The following INTS4 variants were observed in gnomAD, a reference collection of about 807,000 sequenced individuals.
INTS4 encodes integrator complex subunit 4.
A neutral mutation model predicts 119.5 loss-of-function variants in INTS4; 70 were observed. The ratio of observed to expected loss-of-function variants is 0.59; its 90% CI spans 0.48 to 0.71. The LOEUF (loss-of-function observed/expected upper bound fraction) is 0.71, where lower values mean the gene tolerates loss of function less well. INTS4 is among the 30% of genes least tolerant of loss of function. The pLI is 0.00. For synonymous variants in INTS4, 316 were observed against 419.6 expected (o/e 0.75, Z 3.02); for missense variants, 867 against 1,173.2 (o/e 0.74, Z 3.81).
At chr11:77,959,014 T>C (rs1460705952) in intron 6 of INTS4, among the ~76,000 whole-genome samples, 180 bp from the exon 7 acceptor site, 1 of 152,242 alleles carries the variant, frequency 6.6e-6, no homozygotes, top group African/African-American at 2.4e-5. Context: ...CTGCTCTGGC[T>C]GTATTCTGAC....
intron 1 of INTS4, among the ~76,000 whole-genome samples, chr11:77,994,380 T>A (rs375378327): frequency 1.3e-5 from 2 of 152,196 alleles, no homozygotes; most frequent in African/African-American, 4.8e-5. Context: ...TTTCTCCTAA[T>A]AATTTTTTTA....
chr11:77,892,844 A>C (rs1218594848), intron 19 of INTS4, among the ~76,000 whole-genome samples: 1 of 152,166 alleles, frequency 6.6e-6, no homozygotes, highest in African/African-American at 2.4e-5. Flanking sequence ...CAGCCTCCCA[A>C]AGTGCTGGGA....
chr11:77,933,600 C>T (rs113598761), intron 10 of INTS4, among the ~76,000 whole-genome samples: 29,056 of 152,042 alleles, frequency 0.19, 2,830 homozygotes, highest in Middle Eastern at 0.23. Context: ...GCCGCCTGCC[C>T]TGGCCTCCCA....
intron 11 of INTS4, 40 bp downstream of exon 11, chr11:77,928,302 T>C: frequency 1.9e-6 from 3 of 1,586,596 alleles, no homozygotes; most frequent in Non-Finnish European, 2.6e-6. Context: ...CAGGGGGGGG[T>C]GAGGGATGAA....
intron 4 of INTS4, among the ~76,000 whole-genome samples, chr11:77,963,678 G>A (rs1591116364): frequency 2.6e-5 from 4 of 151,990 alleles, no homozygotes; most frequent in Admixed American, 2.6e-4. Flanking sequence ...ATTCAGCATC[G>A]ATATGGATTT....
chr11:77,988,160 TG>T (rs1856529510), intron 2 of INTS4, among the ~76,000 whole-genome samples: 1 of 152,266 alleles, frequency 6.6e-6, no homozygotes, highest in African/African-American at 2.4e-5. Context: ...CCTAGGAACC[TG>T]CCAGGCACTG....
intron 10 of INTS4, among the ~76,000 whole-genome samples, chr11:77,937,804 A>T (rs1453975549): frequency 6.7e-6 from 1 of 149,882 alleles, no homozygotes; most frequent in Non-Finnish European, 1.5e-5. Context: ...TATTCCCACA[A>T]AAATATCTTT....
intron 16 of INTS4, 79 bp from the exon 17 acceptor site, chr11:77,903,699 T>C (rs1390048243): frequency 8.8e-7 from 1 of 1,138,406 alleles, no homozygotes; most frequent in Non-Finnish European, 1.3e-6. Flanking sequence ...CATTTTTGTT[T>C]TCCTTTGAAA....
At chr11:77,992,312 A>C (rs1181966346) in intron 1 of INTS4, among the ~76,000 whole-genome samples, 1 of 151,984 alleles carries the variant, frequency 6.6e-6, no homozygotes, top group African/African-American at 2.4e-5. Flanking sequence ...GATTGCGTGA[A>C]CCCAGGAGGC....
At chr11:77,879,798 G>A (rs746265874) in intron 22 of INTS4, among the ~76,000 whole-genome samples, 2 of 152,104 alleles carry the variant, frequency 1.3e-5, no homozygotes, top group Admixed American at 6.6e-5. Context: ...TACAACACAC[G>A]CTCTAACCAA....
At chr11:77,994,197 G>A (rs1665775218) in intron 1 of INTS4, among the ~76,000 whole-genome samples, 1 of 151,922 alleles carries the variant, frequency 6.6e-6, no homozygotes, top group Non-Finnish European at 1.5e-5. Context: ...ACGGGGGTGC[G>A]GGGAGGCTAG....
intron 21 of INTS4, chr11:77,884,814 G>A: frequency 2.4e-6 from 1 of 409,408 alleles, no homozygotes; most frequent in Non-Finnish European, 5.0e-6. Context: ...GAGTGCAGTG[G>A]CACGATCATA....
rs201555674 is a variant in INTS4, at chr11:77,893,940, G to C, written c.2288+350C>G. Among the ~76,000 whole-genome samples the C allele has an allele frequency of 8.2e-5, 10 of 122,670 alleles. No individual in the cohort carries two copies. The East Asian group carries it at 2.2e-3, about 27-fold the overall frequency. 80.5% of individuals were successfully genotyped at this position (122,670 alleles called of 152,430 possible). On this transcript the variant is annotated intron_variant, in intron 19 of 22. Transcript: ENST00000534064. Reference sequence around the variant, plus strand: ...ATAAATAAATAAGAATGGTGTGAACGAACAGTGTTGAAAAAAACAGATGAC... The same window carrying C: ...ATAAATAAATAAGAATGGTGTGAACCAACAGTGTTGAAAAAAACAGATGAC...
At chr11:77,925,533 G>A (rs890464012) in intron 11 of INTS4, among the ~76,000 whole-genome samples, 9 of 152,192 alleles carry the variant, frequency 5.9e-5, no homozygotes, top group Admixed American at 1.3e-4. Flanking sequence ...ACCTGTATGT[G>A]TTAAATGGAG....
Position 77,961,154 on chromosome 11 carries a change from A to G in INTS4, c.472-16T>C, listed in dbSNP as rs1419134768. ...CTGTCAGATGCTATTAAAAAAAAAAAAAAAAAGAAAAAAAGAAAAAGAAAA... is the reference window on the plus strand; with the variant it reads ...CTGTCAGATGCTATTAAAAAAAAAAGAAAAAAGAAAAAAAGAAAAAGAAAA... On this transcript the variant is annotated splice_polypyrimidine_tract_variant and intron_variant, in intron 4 of 22. Transcript: ENST00000534064. 7.2e-6 allele frequency: 11 copies of G among 1,537,560 alleles called. No individual in the cohort carries two copies. Among genetic ancestry groups the G allele is most frequent in the East Asian group, 2.3e-5 (1 of 43,652 alleles).
intron 12 of INTS4, among the ~76,000 whole-genome samples, chr11:77,924,188 A>C (rs2136485891): frequency 6.6e-6 from 1 of 151,194 alleles, no homozygotes; most frequent in South Asian, 2.1e-4. Context: ...TGAGGTCAGG[A>C]GTTCAAGACC....
At chr11:77,884,268 A>ACTCC (rs1951903866) in intron 21 of INTS4, among the ~76,000 whole-genome samples, 1 of 151,958 alleles carries the variant, frequency 6.6e-6, no homozygotes, top group South Asian at 2.1e-4. Flanking sequence ...CCAGAAGAGC[A>ACTCC]CTCCCTCCCT....
At position 77,878,855 on chromosome 11, in the gene INTS4, TAC is replaced by T. The variant is rs1376516026; in HGVS notation, c.*92_*93del. ...GTAAGGGTCACATACTCCTTAAGCCTACACATCAATTCCAGGTGAAGTGCTTC... is the reference window on the plus strand; with the variant it reads ...GTAAGGGTCACATACTCCTTAAGCCTACATCAATTCCAGGTGAAGTGCTTC... On this transcript the variant is annotated 3_prime_UTR_variant, in exon 23 of 23. Coordinates refer to ENST00000534064, the MANE Select transcript of INTS4 (RefSeq NM_033547.4). The T allele has an allele frequency of 1.1e-6, 1 of 885,800 alleles. No individual in the cohort carries two copies. Among genetic ancestry groups the T allele is most frequent in the African/African-American group, 1.6e-5 (1 of 60,698 alleles). The allele number at this position is 885,800 out of a possible 1,614,324, so 54.9% of individuals were successfully genotyped here.
intron 18 of INTS4, among the ~76,000 whole-genome samples, chr11:77,898,944 C>G (rs1372174697): frequency 6.6e-6 from 1 of 152,094 alleles, no homozygotes; most frequent in African/African-American, 2.4e-5. Flanking sequence ...TGCTTGGACC[C>G]GGGAACCAGA....
Sources: gnomAD v4.1 joint callset for allele counts (sites outside exome capture counted in the v4.1 genomes callset) on GRCh38, gnomAD v4.1.1 for gene constraint, MANE v1.5 for transcripts, NCBI Gene and HGNC (gene_info 2026-07-23, HGNC 2026-07-21) for gene names.